NREP: variants seen among roughly 807,000 people sequenced by gnomAD.
NREP encodes neuronal regeneration-related protein.
In NREP, 5 loss-of-function variants were observed where a neutral mutation model predicts 8.6. That is an observed-to-expected ratio of 0.58 (90% CI 0.30 to 1.22). NREP has a LOEUF of 1.22. NREP is among the 50% of genes most tolerant of loss of function. The probability of loss-of-function intolerance (pLI) is 0.07; values close to 1 mark genes in which losing one functional copy is unlikely to be tolerated. For synonymous variants in NREP, 27 were observed against 28.0 expected (o/e 0.96, Z 0.11); for missense variants, 86 against 82.5 (o/e 1.04, Z -0.17).
chr5:111,764,239 T>C (rs998390707), intron 2 of NREP, among the ~76,000 whole-genome samples: 1 of 152,162 alleles, frequency 6.6e-6, no homozygotes, highest in Non-Finnish European at 1.5e-5. Flanking sequence ...AGTTGTGAAG[T>C]TGCTTCAGTT....
At chr5:111,935,099 G>T (rs1163468469) in intron 2 of NREP, among the ~76,000 whole-genome samples, 1 of 152,126 alleles carries the variant, frequency 6.6e-6, no homozygotes, top group Non-Finnish European at 1.5e-5. Flanking sequence ...TAGATATACA[G>T]TACTTTTGAA....
intron 2 of NREP, among the ~76,000 whole-genome samples, chr5:111,833,487 T>C (rs1752822248): frequency 6.6e-6 from 1 of 152,224 alleles, no homozygotes; most frequent in African/African-American, 2.4e-5. Context: ...TAATAAATCA[T>C]ACTGTATCTG....
chr5:111,798,674 C>T (rs181791544), intron 2 of NREP, among the ~76,000 whole-genome samples: 20 of 151,902 alleles, frequency 1.3e-4, no homozygotes, highest in Non-Finnish European at 2.5e-4. Flanking sequence ...TCTTCAATTC[C>T]ATCCAGGTTG....
chr5:111,858,208 A>G lies in NREP; in HGVS notation c.135+117066T>C, dbSNP rs1180917852. Among the ~76,000 whole-genome samples, 3 of 152,258 alleles carry G rather than the reference A, an allele frequency of 2.0e-5. No individual in the cohort carries two copies. The East Asian group carries it at 5.8e-4, about 29-fold the overall frequency. On this transcript the variant is annotated intron_variant, in intron 2 of 3. Coordinates refer to the NREP transcript ENST00000395634. ...AGAGCCAGTAGTTGGTGTTTTAACC[A>G]GCCTCCCAGGTGATTCTGATGCACA...
intron 2 of NREP, among the ~76,000 whole-genome samples, chr5:111,817,283 C>A (rs1752404804): frequency 6.6e-6 from 1 of 152,090 alleles, no homozygotes; most frequent in Non-Finnish European, 1.5e-5. Context: ...TGTGTTATTG[C>A]ACTGGACGGA....
At chr5:111,871,885 G>T in intron 2 of NREP, among the ~76,000 whole-genome samples, 1 of 143,412 alleles carries the variant, frequency 7.0e-6, no homozygotes, top group African/African-American at 2.8e-5. Flanking sequence ...TGAAAATCTC[G>T]TTCTATATAG....
At chr5:111,772,453 A>G (rs1037645140) in intron 2 of NREP, among the ~76,000 whole-genome samples, 23 of 152,234 alleles carry the variant, frequency 1.5e-4, no homozygotes, top group Admixed American at 9.8e-4. Context: ...AAAAAATGTG[A>G]TTACATTTTG....
intron 2 of NREP, among the ~76,000 whole-genome samples, chr5:111,881,545 C>G (rs1754070235): frequency 6.6e-6 from 1 of 152,136 alleles, no homozygotes; most frequent in African/African-American, 2.4e-5. Flanking sequence ...GTCCCTGACC[C>G]CTGACCCCCA....
intron 2 of NREP, among the ~76,000 whole-genome samples, chr5:111,921,435 G>A (rs1003790012): frequency 1.3e-5 from 2 of 151,992 alleles, no homozygotes; most frequent in African/African-American, 4.8e-5. Flanking sequence ...ATTTTTGGGT[G>A]GCATCCCTTA....
chr5:111,770,659 C>A (rs575392684), intron 2 of NREP, among the ~76,000 whole-genome samples: 2 of 149,712 alleles, frequency 1.3e-5, no homozygotes, highest in South Asian at 4.2e-4. Flanking sequence ...CAGCCTCCCC[C>A]TCCCAGGCTG....
At chr5:111,834,999 G>A (rs1251618134) in intron 2 of NREP, among the ~76,000 whole-genome samples, 1 of 152,156 alleles carries the variant, frequency 6.6e-6, no homozygotes, top group East Asian at 1.9e-4. Flanking sequence ...CACATTCCAA[G>A]AAGGCACCTC....
chr5:111,879,807 A>G (rs80021029), intron 2 of NREP, among the ~76,000 whole-genome samples: 2 of 152,182 alleles, frequency 1.3e-5, no homozygotes, highest in East Asian at 1.9e-4. Context: ...TTGTAGTCCC[A>G]TATGGCAGGG....
At chr5:111,768,367 T>C (rs1043539957) in intron 2 of NREP, among the ~76,000 whole-genome samples, 1 of 152,220 alleles carries the variant, frequency 6.6e-6, no homozygotes, top group African/African-American at 2.4e-5. Context: ...TTTATTATAA[T>C]TTCAACTTTT....
At chr5:111,969,317 G>T (rs1342300276) in intron 2 of NREP, 2 of 152,218 alleles carry the variant, frequency 1.3e-5, no homozygotes, top group East Asian at 3.8e-4. Context: ...CTGAACAAAA[G>T]CAGATAAAAC....
intron 2 of NREP, among the ~76,000 whole-genome samples, chr5:111,788,642 T>A (rs1413773256): frequency 1.3e-5 from 2 of 152,218 alleles, no homozygotes; most frequent in East Asian, 3.8e-4. Flanking sequence ...TTGATTTGAA[T>A]CTCAAAGGAC....
At chr5:111,857,690 A>G (rs573335533) in intron 2 of NREP, among the ~76,000 whole-genome samples, 19 of 152,290 alleles carry the variant, frequency 1.2e-4, no homozygotes, top group African/African-American at 4.6e-4. Flanking sequence ...AAGCTCCACA[A>G]GTAGATGGCT....
intron 2 of NREP, among the ~76,000 whole-genome samples, chr5:111,872,561 T>C (rs750868860): frequency 1.3e-4 from 20 of 152,096 alleles, no homozygotes; most frequent in Non-Finnish European, 1.8e-4. Context: ...TTTAGGAGGA[T>C]TGATGGTTGT....
intron 2 of NREP, among the ~76,000 whole-genome samples, chr5:111,816,278 C>G (rs901972287): frequency 6.6e-6 from 1 of 152,014 alleles, no homozygotes; most frequent in Non-Finnish European, 1.5e-5. Flanking sequence ...CTTCTACCAA[C>G]AGGAAAATGA....
At chr5:111,881,651 G>C (rs1019938771) in intron 2 of NREP, among the ~76,000 whole-genome samples, 9 of 152,294 alleles carry the variant, frequency 5.9e-5, no homozygotes, top group African/African-American at 2.2e-4. Context: ...GGAACGATCA[G>C]ACAGCAGCAT....
Sources: allele counts gnomAD v4.1 joint callset (sites outside exome capture counted in the v4.1 genomes callset), GRCh38; gene constraint gnomAD v4.1.1; transcripts MANE v1.5; gene names NCBI Gene and HGNC (gene_info 2026-07-23, HGNC 2026-07-21).